FRMD6: variants seen among roughly 807,000 people sequenced by gnomAD.
FRMD6 encodes FERM domain containing 6, also known as FERM domain-containing protein 6.
In FRMD6, 37 loss-of-function variants were observed where a neutral mutation model predicts 73.2. The ratio of observed to expected loss-of-function variants is 0.51; its 90% CI spans 0.39 to 0.66. The LOEUF is 0.66. Among genes scored for constraint, FRMD6 ranks in the 30% least tolerant of loss-of-function variants. The probability of loss-of-function intolerance (pLI) is 0.00; values close to 1 mark genes in which losing one functional copy is unlikely to be tolerated. For missense variants in FRMD6, 714 were observed against 780.5 expected (o/e 0.91, Z 1.02); for synonymous variants, 273 against 282.2 (o/e 0.97, Z 0.33).
chr14:51,511,670 T>C (rs1596518640), intron 1 of FRMD6, among the ~76,000 whole-genome samples: 1 of 151,512 alleles, frequency 6.6e-6, no homozygotes, highest in Admixed American at 6.6e-5. Context: ...CAAGTGGGAG[T>C]TGAATAATGA....
At chr14:51,727,673 G>A (rs1405671421) in intron 13 of FRMD6, 72 bp from the exon 14 acceptor site, 1 of 1,415,756 alleles carries the variant, frequency 7.1e-7, no homozygotes, top group Non-Finnish European at 9.6e-7. Flanking sequence ...TGGTTCTGTA[G>A]CATCTCTCTT....
At chr14:51,402,385 T>C in the FRMD6 span, among the ~76,000 whole-genome samples, 11 of 152,132 alleles carry the variant, frequency 7.2e-5, no homozygotes, top group East Asian at 1.9e-4. Flanking sequence ...TGGGAGATGA[T>C]TGAATCATGG....
At chr14:51,627,664 A>G (rs1287693987) in intron 2 of FRMD6, among the ~76,000 whole-genome samples, 1 of 152,250 alleles carries the variant, frequency 6.6e-6, no homozygotes, top group East Asian at 1.9e-4. Context: ...CTGATGCTTG[A>G]GAACAGAAGC....
the FRMD6 span, among the ~76,000 whole-genome samples, chr14:51,417,873 C>G: frequency 6.6e-6 from 1 of 151,812 alleles, no homozygotes; most frequent in African/African-American, 2.4e-5. Flanking sequence ...TTTCTCTAAC[C>G]TTGTCTTCTC....
chr14:51,432,678 C>T, the FRMD6 span, among the ~76,000 whole-genome samples: 1 of 152,222 alleles, frequency 6.6e-6, no homozygotes, highest in African/African-American at 2.4e-5. Context: ...TAACCGTAAC[C>T]CTGAATACTC....
At chr14:51,547,098 G>C (rs1200276360) in intron 1 of FRMD6, among the ~76,000 whole-genome samples, 2 of 152,108 alleles carry the variant, frequency 1.3e-5, no homozygotes, top group African/African-American at 4.8e-5. Flanking sequence ...TGTGTGTTCT[G>C]TAATGGACAC....
the FRMD6 span, among the ~76,000 whole-genome samples, chr14:51,474,424 A>G: frequency 2.0e-5 from 3 of 152,122 alleles, no homozygotes; most frequent in African/African-American, 7.2e-5. Flanking sequence ...GACTGGCGGG[A>G]AAGATTTAGG....
chr14:51,492,862 A>G (rs909582019), intron 1 of FRMD6, among the ~76,000 whole-genome samples: 1 of 152,224 alleles, frequency 6.6e-6, no homozygotes, highest in Non-Finnish European at 1.5e-5. Context: ...TGGAGGCGGC[A>G]TGTAAATGGG....
intron 2 of FRMD6, among the ~76,000 whole-genome samples, chr14:51,575,443 G>A (rs1214565909): frequency 2.6e-5 from 4 of 152,192 alleles, no homozygotes; most frequent in African/African-American, 9.7e-5. Context: ...ACTTTCTCCT[G>A]CAGATGCAGA....
At chr14:51,645,181 G>C (rs1380388863) in intron 2 of FRMD6, among the ~76,000 whole-genome samples, 1 of 152,226 alleles carries the variant, frequency 6.6e-6, no homozygotes, top group Non-Finnish European at 1.5e-5. Context: ...TCATAGCCAA[G>C]CCAAATCAAA....
intron 2 of FRMD6, among the ~76,000 whole-genome samples, chr14:51,633,621 A>AAAAAAAAAAAAAAAAG (rs143710280): frequency 1.0e-5 from 1 of 99,364 alleles, no homozygotes; most frequent in Non-Finnish European, 1.9e-5. Flanking sequence ...AAAAAAAAAA[A>AAAAAAAAAAAAAAAAG]GAAATAATTA....
At chr14:51,688,882 C>G (rs1895355996) in intron 1 of FRMD6, among the ~76,000 whole-genome samples, 1 of 152,094 alleles carries the variant, frequency 6.6e-6, no homozygotes, top group Admixed American at 6.6e-5. Flanking sequence ...CTATTACTTG[C>G]AAACAAAATT....
intron 1 of FRMD6, among the ~76,000 whole-genome samples, chr14:51,529,032 T>A (rs1030084780): frequency 2.6e-5 from 4 of 152,198 alleles, no homozygotes; most frequent in Non-Finnish European, 5.9e-5. Context: ...ACTATAACTA[T>A]CATAAGTCAC....
chr14:51,417,317 T>TTCCTCAGGAGC, the FRMD6 span, among the ~76,000 whole-genome samples: 2 of 152,350 alleles, frequency 1.3e-5, no homozygotes, highest in South Asian at 4.1e-4. Context: ...TGTTTAGTGC[T>TTCCTCAGGAGC]TCCTCAGGAG....
At chr14:51,606,824 C>T (rs1387564438) in intron 2 of FRMD6, among the ~76,000 whole-genome samples, 2 of 152,100 alleles carry the variant, frequency 1.3e-5, no homozygotes, top group Admixed American at 6.5e-5. Flanking sequence ...GTCCTAAGGC[C>T]TCAGAACCAG....
chr14:51,435,504 T>C, the FRMD6 span, among the ~76,000 whole-genome samples: 5 of 152,258 alleles, frequency 3.3e-5, no homozygotes, highest in Admixed American at 2.6e-4. Context: ...AGTAAACATT[T>C]GCTTTTTATT....
chr14:51,582,691 C>G (rs1203848549), intron 2 of FRMD6, among the ~76,000 whole-genome samples: 1 of 152,188 alleles, frequency 6.6e-6, no homozygotes, highest in Admixed American at 6.6e-5. Context: ...TCATGACACC[C>G]TTCCTGTCCA....
chr14:51,570,071 T>C (rs1383990012), intron 1 of FRMD6, among the ~76,000 whole-genome samples: 3 of 152,010 alleles, frequency 2.0e-5, no homozygotes, highest in African/African-American at 7.2e-5. Flanking sequence ...CACCTTGGCC[T>C]CCCAAAGTGC....
intron 11 of FRMD6, chr14:51,720,637 A>G (rs1207446115): frequency 1.2e-5 from 6 of 503,950 alleles, no homozygotes; most frequent in Middle Eastern, 5.3e-4. Context: ...AGCTGTTTCT[A>G]TGAAGTAGAT....
Sources: gnomAD v4.1 joint callset for allele counts (sites outside exome capture counted in the v4.1 genomes callset) on GRCh38, gnomAD v4.1.1 for gene constraint, MANE v1.5 for transcripts, NCBI Gene and HGNC (gene_info 2026-07-23, HGNC 2026-07-21) for gene names.